UGT3A1: variants seen among roughly 807,000 people sequenced by gnomAD.
UGT3A1 encodes the protein UDP glycosyltransferase family 3 member A1, also known as UDP-glycosyltransferase 3A1.
UGT3A1 carries 40 observed loss-of-function variants against 37.6 expected under a neutral mutation model. That is an observed-to-expected ratio of 1.06 (90% CI 0.83 to 1.38). The LOEUF (loss-of-function observed/expected upper bound fraction) is 1.38, where lower values mean the gene tolerates loss of function less well. Ranked by LOEUF, UGT3A1 falls within the 40% of genes most tolerant of loss-of-function variation. The pLI is 0.00. For missense variants in UGT3A1, 642 were observed against 634.2 expected, an observed-to-expected ratio of 1.01 and a Z score of -0.13; for synonymous variants, 256 against 232.3, an observed-to-expected ratio of 1.10 and a Z score of -0.93.
chr5:35,954,224 G>A lies in UGT3A1; in HGVS notation c.1550C>T (p.Ala517Val). ...LGVVARWLRG[A>V]RKVKKT The stretch of plus-strand genomic sequence containing the variant: ...GCCTCATGTCTTCTTCACCTTCCTG[G>A]CCCCACGCAGCCACCTGGCCACCAC... Residue 517 changes from alanine (A) to valine (V), a missense_variant, in exon 7 of 7, where the codon GCC becomes GTC. By Grantham distance (64) the Ala-to-Val change is moderately conservative. Transcript: ENST00000274278. The A allele has an allele frequency of 6.2e-7, 1 of 1,613,992 alleles. No homozygotes were observed. The highest frequency in any genetic ancestry group is 8.5e-7 in the Non-Finnish European group (1 of 1,179,970).
intron 2 of UGT3A1, among the ~76,000 whole-genome samples, chr5:35,984,081 A>G (rs1580956830): frequency 6.6e-6 from 1 of 152,208 alleles, no homozygotes; most frequent in Non-Finnish European, 1.5e-5. Context: ...ATAAATAAAG[A>G]CATCCAAATT....
chr5:35,951,256 C>T lies in UGT3A1; in HGVS notation c.*2946G>A, dbSNP rs1203285102. ...AATCCAAACTATGTAAAAACATAAA[C>T]ACATGGATCCTTCCACCCTATTCAA... On this transcript the variant is annotated 3_prime_UTR_variant, in exon 7 of 7. Coordinates refer to ENST00000274278, the MANE Select transcript of UGT3A1 (RefSeq NM_152404.4). 2.0e-5 allele frequency: 3 copies of T among 152,066 alleles called. No homozygotes were observed. Among genetic ancestry groups the T allele is most frequent in the Non-Finnish European group, 4.4e-5 (3 of 67,974 alleles). 9.4% of individuals were successfully genotyped at this position (152,066 alleles called of 1,614,324 possible).
chr5:35,992,750 AG>A (rs539217234), upstream of UGT3A1, among the ~76,000 whole-genome samples: 98 of 152,350 alleles, frequency 6.4e-4, no homozygotes, highest in African/African-American at 2.3e-3. Flanking sequence ...TAGGAGTATG[AG>A]AGAAAAATGA....
chr5:35,995,533 G>A (rs984597314), upstream of UGT3A1, among the ~76,000 whole-genome samples: 9 of 152,168 alleles, frequency 5.9e-5, no homozygotes, highest in African/African-American at 1.2e-4. Context: ...CTATCACCCA[G>A]GTCATTCAGA....
At chr5:35,972,051 G>A (rs544039208) in intron 2 of UGT3A1, among the ~76,000 whole-genome samples, 9 of 152,010 alleles carry the variant, frequency 5.9e-5, no homozygotes, top group African/African-American at 1.4e-4. Flanking sequence ...AGAGAGAAGC[G>A]CACCACCCTC....
upstream of UGT3A1, among the ~76,000 whole-genome samples, chr5:35,992,791 C>G (rs939393069): frequency 6.6e-6 from 1 of 152,088 alleles, no homozygotes; most frequent in Admixed American, 6.6e-5. Context: ...TAAGTAGTTA[C>G]TGTTGCTTTG....
intron 2 of UGT3A1, among the ~76,000 whole-genome samples, chr5:35,987,988 AT>A (rs1333404180): frequency 6.6e-6 from 1 of 152,206 alleles, no homozygotes; most frequent in East Asian, 1.9e-4. Context: ...CGTGTTAATC[AT>A]ATATTCTCAT....
intron 1 of UGT3A1, chr5:36,000,923 T>C (rs1025540853): frequency 1.3e-5 from 2 of 152,250 alleles, no homozygotes; most frequent in Non-Finnish European, 2.9e-5. Flanking sequence ...CCTGTTTCTA[T>C]AATGGGCTCA....
Position 35,954,423 on chromosome 5 carries a change from G to C in UGT3A1, c.1351C>G (p.Pro451Ala). ...ATCCAGCCCACCAGCCGCTGTGCGG[G>C]GCTCAGGGGCTGAGAGTGCAGGATG... ...SVILHSQPLS[P>A]AQRLVGWIDH... Residue 451 changes from proline (P) to alanine (A), a missense_variant, in exon 7 of 7, where the codon CCC (proline) becomes GCC (alanine). Physicochemically the swap from Pro to Ala is conservative, Grantham distance 27. Coordinates refer to ENST00000274278, the MANE Select transcript of UGT3A1 (RefSeq NM_152404.4). 1 of 1,614,208 alleles carries C rather than the reference G, an allele frequency of 6.2e-7. No homozygotes were observed. The highest frequency in any genetic ancestry group is 8.5e-7 in the Non-Finnish European group (1 of 1,180,042).
chr5:35,964,692 C>T (rs1456238136), intron 4 of UGT3A1, among the ~76,000 whole-genome samples: 1 of 152,152 alleles, frequency 6.6e-6, no homozygotes, highest in Admixed American at 6.5e-5. Context: ...TGTCAAGATA[C>T]TAAATATAAT....
chr5:35,991,653 T>C (rs370326058), upstream of UGT3A1: 33 of 996,344 alleles, frequency 3.3e-5, no homozygotes, highest in African/African-American at 5.0e-4. Flanking sequence ...TCTGAACTTA[T>C]GTTACTCTGC....
intron 2 of UGT3A1, among the ~76,000 whole-genome samples, chr5:35,974,164 C>T (rs6895627): frequency 0.24 from 36,299 of 151,982 alleles, 4,603 homozygotes; most frequent in Non-Finnish European, 0.28. Context: ...TCCAAAGGAA[C>T]CTACAGCTTT....
chr5:35,967,475 T>C (rs531666587), intron 3 of UGT3A1, among the ~76,000 whole-genome samples: 1 of 152,364 alleles, frequency 6.6e-6, no homozygotes, highest in African/African-American at 2.4e-5. Context: ...TTGTATACCA[T>C]CATGGCATTT....
At chr5:35,977,800 T>A (rs1740352204) in intron 2 of UGT3A1, among the ~76,000 whole-genome samples, 1 of 152,188 alleles carries the variant, frequency 6.6e-6, no homozygotes. Context: ...AATAAAAGAA[T>A]ACATACCTTA....
Position 35,965,511 on chromosome 5 carries a change from G to A in UGT3A1, c.718C>T (p.Leu240Phe), listed in dbSNP as rs776715878. Residue 240 changes from leucine to phenylalanine, a missense_variant, in exon 4 of 7, where the codon CTT becomes TTT. Coordinates refer to ENST00000274278, the MANE Select transcript of UGT3A1 (RefSeq NM_152404.4). ...PEGSRPVLSH[L>F]LLKAELWFVN... ...AACCACAACTCTGCTTTCAGTAGAA[G>A]ATGAGACAAAACTGGCCTAGAGCCT... The A allele has an allele frequency of 3.7e-6, 6 of 1,614,104 alleles. No homozygotes were observed. Among genetic ancestry groups the A allele is most frequent in the Non-Finnish European group, 5.1e-6 (6 of 1,180,046 alleles).
intron 2 of UGT3A1, among the ~76,000 whole-genome samples, chr5:35,975,989 A>G (rs944384075): frequency 3.3e-5 from 5 of 152,176 alleles, no homozygotes; most frequent in South Asian, 2.1e-4. Flanking sequence ...TCATGGGTTC[A>G]GGTATCAAGG....
upstream of UGT3A1, among the ~76,000 whole-genome samples, chr5:35,991,818 C>T (rs1368222334): frequency 2.6e-5 from 4 of 152,180 alleles, no homozygotes; most frequent in Non-Finnish European, 5.9e-5. Flanking sequence ...CTGAGGGCCT[C>T]TTTAGAAGAT....
At position 35,962,444 on chromosome 5, in the gene UGT3A1, A is replaced by G. The variant is rs1739623612; in HGVS notation, c.843+2942T>C. 4 of 156,624 alleles carry G rather than the reference A, an allele frequency of 2.6e-5. No homozygotes were observed. In the South Asian group the frequency reaches 7.7e-4, roughly 30 times the overall value. 9.7% of individuals were successfully genotyped at this position (156,624 alleles called of 1,614,324 possible). A position where few individuals can be genotyped will look rare whatever the true frequency, so the allele number is the denominator to read the frequency against. ...TAGGCAAGCGAGAGACTGAAGCTGG[A>G]TAGAGAGGTTGAGGTGGACCCAGAG... On this transcript the variant is annotated intron_variant, in intron 4 of 6. Transcript: ENST00000274278.
rs140438469 is a variant in UGT3A1, at chr5:35,955,228, A to T, written c.1295+417T>A. ...GAAGAAACATTGGAGAAGAGACCCA[A>T]ATGTCATGAAGGAGCCAGTCCTGTG... On this transcript the variant is annotated intron_variant, in intron 6 of 6. Transcript: ENST00000274278. 8.3e-3 allele frequency: 2,166 copies of T among 262,124 alleles called. 22 individuals are homozygous for T. Among genetic ancestry groups the T allele is most frequent in the Non-Finnish European group, 8.5e-3 (1,182 of 138,264 alleles). 16.2% of individuals were successfully genotyped at this position (262,124 alleles called of 1,614,324 possible). A position where few individuals can be genotyped will look rare whatever the true frequency, so the allele number is the denominator to read the frequency against.
Sources: gnomAD v4.1 joint callset for allele counts (sites outside exome capture counted in the v4.1 genomes callset) on GRCh38, gnomAD v4.1.1 for gene constraint, MANE v1.5 for transcripts, NCBI Gene and HGNC (gene_info 2026-07-23, HGNC 2026-07-21) for gene names.